The following CACNA1B variants were observed in gnomAD, a reference collection of about 807,000 sequenced individuals.
The protein encoded by CACNA1B is calcium voltage-gated channel subunit alpha1 B, also known as voltage-dependent N-type calcium channel subunit alpha-1B.
A neutral mutation model predicts 247.2 loss-of-function variants in CACNA1B; 70 were observed. The ratio of observed to expected loss-of-function variants is 0.28; its 90% CI spans 0.23 to 0.35. CACNA1B has a LOEUF of 0.35. CACNA1B is among the 10% of genes least tolerant of loss of function. CACNA1B has a pLI of 1.00. For missense variants in CACNA1B, 2,367 were observed against 3,197.4 expected, an observed-to-expected ratio of 0.74 and a Z score of 6.26; for synonymous variants, 1,231 against 1,294.4, an observed-to-expected ratio of 0.95 and a Z score of 1.05.
intron 37 of CACNA1B, among the ~76,000 whole-genome samples, chr9:138,099,364 A>T (rs959756041): frequency 6.6e-6 from 1 of 152,042 alleles, no homozygotes; most frequent in Non-Finnish European, 1.5e-5. Context: ...TATGTGTGCA[A>T]GTGAACTGAA....
rs933589477 is a variant in CACNA1B, at chr9:137,899,245, C to T, written c.531-13935C>T. On this transcript the variant is annotated intron_variant, in intron 3 of 46. Transcript: ENST00000371372. The surrounding 1 kb of genome is among the most constrained non-coding windows in gnomAD (Gnocchi z 5.0). ...GGGATTACAGGCGCGCTCCACCATG[C>T]CAGGCTAATTTTTGTATTTTTTTTT... Among the ~76,000 whole-genome samples the T allele has an allele frequency of 4.6e-5, 7 of 151,860 alleles. No homozygotes were observed. Among genetic ancestry groups the T allele is most frequent in the African/African-American group, 1.5e-4 (6 of 41,310 alleles).
Position 137,971,245 on chromosome 9 carries a change from G to C in CACNA1B, c.1334-138G>C. On this transcript the variant is annotated intron_variant, in intron 10 of 46. Coordinates refer to ENST00000371372, the MANE Select transcript of CACNA1B (RefSeq NM_000718.4). The surrounding 1 kb of genome is among the most constrained non-coding windows in gnomAD (Gnocchi z 4.4). ...CCTCAGCTGTGAAGTGGAGGTCACAGGGGTCACTGGCACAATTGTCTGTGA... is the reference window on the plus strand; with the variant it reads ...CCTCAGCTGTGAAGTGGAGGTCACACGGGTCACTGGCACAATTGTCTGTGA... The C allele has an allele frequency of 1.1e-5, 7 of 651,240 alleles. No homozygotes were observed. The South Asian group carries it at 1.3e-4, about 12-fold the overall frequency. The allele number at this position is 651,240 out of a possible 1,614,324, so 40.3% of individuals were successfully genotyped here.
At chr9:137,944,457 C>T (rs998479018) in intron 6 of CACNA1B, among the ~76,000 whole-genome samples, 7 of 152,070 alleles carry the variant, frequency 4.6e-5, no homozygotes, top group Non-Finnish European at 1.0e-4. Context: ...TGTTATAGTC[C>T]CAATTAGGAT....
rs1287822294 is a variant in CACNA1B at position 138,020,928 on chromosome 9, G to C, written c.2268-2083G>C. Among the ~76,000 whole-genome samples the C allele has an allele frequency of 6.6e-6, 1 of 152,184 alleles. No homozygotes were observed. The highest frequency in any genetic ancestry group is 1.9e-4 in the East Asian group (1 of 5,196). ...CATGGTCCTCACTGCCTGTCTTTTT[G>C]GAACTGCAATGCTGGTCCCCAAGAT... On this transcript the variant is annotated intron_variant, in intron 18 of 46. Coordinates refer to ENST00000371372, the MANE Select transcript of CACNA1B (RefSeq NM_000718.4). The surrounding 1 kb of genome is among the most constrained non-coding windows in gnomAD (Gnocchi z 4.1).
chr9:137,908,533 A>G (rs1957322461), intron 3 of CACNA1B, among the ~76,000 whole-genome samples: 1 of 152,050 alleles, frequency 6.6e-6, no homozygotes, highest in South Asian at 2.1e-4. Flanking sequence ...AAACAAACAA[A>G]CAAACAAAAA....
At chr9:138,040,224 C>A (rs1227395950) in intron 20 of CACNA1B, among the ~76,000 whole-genome samples, 1 of 152,120 alleles carries the variant, frequency 6.6e-6, no homozygotes, top group African/African-American at 2.4e-5. Flanking sequence ...GGTTGTGAGC[C>A]ACTGCGCCTG....
At chr9:137,967,693 T>C (rs945269285) in intron 10 of CACNA1B, among the ~76,000 whole-genome samples, 13 of 150,186 alleles carry the variant, frequency 8.7e-5, no homozygotes, top group Non-Finnish European at 1.5e-4. Flanking sequence ...CCACTGCAAG[T>C]GTCTCTCTCT....
intron 31 of CACNA1B, among the ~76,000 whole-genome samples, chr9:138,069,030 G>T (rs1960030443): frequency 6.6e-6 from 1 of 152,248 alleles, no homozygotes; most frequent in African/African-American, 2.4e-5. Context: ...CACCCAGCAG[G>T]TTGGGGGCCT....
In CACNA1B at chr9:138,115,710, C is replaced by T. The variant is rs371368903; in HGVS notation, c.5777+31C>T. On this transcript the variant is annotated intron_variant, in intron 42 of 46. Coordinates refer to ENST00000371372, the MANE Select transcript of CACNA1B (RefSeq NM_000718.4). ...TATCCAGATGCAGGACATAGCTGGA[C>T]AGGAGGAGGTCCAAAGACAGTAAAG... is the stretch of plus-strand genomic sequence containing the variant. 4.6e-5 allele frequency: 73 copies of T among 1,593,904 alleles called. No homozygotes were observed. In the African/African-American group the frequency reaches 7.5e-4, roughly 16 times the overall value.
intron 32 of CACNA1B, among the ~76,000 whole-genome samples, chr9:138,071,932 C>T (rs1411054999): frequency 6.6e-6 from 1 of 152,044 alleles, no homozygotes; most frequent in East Asian, 1.9e-4. Flanking sequence ...ACATAAGGGT[C>T]TCTTGACACG....
chr9:138,112,426 G>A lies in CACNA1B; in HGVS notation c.5457G>A (p.Ala1819=), dbSNP rs201753337. The change falls in exon 40 of 47, where the codon GCG becomes GCA. Residue 1819 remains alanine, a synonymous_variant. Transcript: ENST00000371372. ...PAGTKQHQCD[A]ELRKEISVVW... is the part of the protein sequence containing the mutation. ...GGACAAAGCAGCATCAGTGTGACGC[G>A]GAGTTGAGGAAGGAGATTTCCGTTG... 67 of 1,613,376 alleles carry A rather than the reference G, an allele frequency of 4.2e-5. No individual in the cohort carries two copies. The highest frequency in any genetic ancestry group is 4.0e-4 in the African/African-American group (30 of 74,900).
chr9:138,053,796 T>A, intron 25 of CACNA1B, 50 bp from the exon 26 acceptor site: 17 of 1,073,858 alleles, frequency 1.6e-5, no homozygotes, highest in East Asian at 8.0e-5. Flanking sequence ...GGCCCCACTC[T>A]CCCACCATGA....
At chr9:137,893,518 G>A (rs995977698) in intron 3 of CACNA1B, among the ~76,000 whole-genome samples, 3 of 151,742 alleles carry the variant, frequency 2.0e-5, no homozygotes, top group Non-Finnish European at 2.9e-5. Flanking sequence ...GGGCAAGGTG[G>A]CACGCGCCTG....
chr9:137,915,204 C>T (rs902779864), intron 5 of CACNA1B, among the ~76,000 whole-genome samples: 5 of 152,244 alleles, frequency 3.3e-5, no homozygotes, highest in Middle Eastern at 3.4e-3. Flanking sequence ...GCCTATGGTG[C>T]GGAGCAGCGA....
rs1388182078 is a variant in CACNA1B, at chr9:137,986,834, G to T, written c.1954G>T (p.Ala652Ser). ...AACCAACTTCGACACCTTCCCTGCC[G>T]CCATCCTCACTGTCTTCCAGGTAAG... Reference protein sequence around the residue: ...PTTNFDTFPAAILTVFQILTG... With the variant: ...PTTNFDTFPASILTVFQILTG... The change falls in exon 15 of 47, where the codon GCC becomes TCC. Residue 652 changes from alanine to serine, a missense_variant. Physicochemically the swap from Ala to Ser is moderately conservative, Grantham distance 99. Around this residue, in one of 12 missense-constraint regions of CACNA1B, gnomAD observed 76 missense variants for 191.0 expected, o/e 0.40. Coordinates refer to ENST00000371372, the MANE Select transcript of CACNA1B (RefSeq NM_000718.4). This position sits in a 1 kb window ranked among gnomAD's most constrained non-coding sequence, Gnocchi z 6.0. The T allele has an allele frequency of 1.2e-6, 2 of 1,613,608 alleles. No homozygotes were observed. The highest frequency in any genetic ancestry group is 3.3e-5 in the Admixed American group (2 of 60,020).
At chr9:138,112,037 A>T (rs1263290569) in intron 39 of CACNA1B, among the ~76,000 whole-genome samples, 1 of 152,002 alleles carries the variant, frequency 6.6e-6, no homozygotes, top group Non-Finnish European at 1.5e-5. Context: ...AATATTGTTG[A>T]ATGAATAGAT....
rs768586580 is a variant in CACNA1B, at chr9:138,058,293, C to A, written c.4308+43C>A. 4 of 1,479,128 alleles carry A rather than the reference C, an allele frequency of 2.7e-6. No individual in the cohort carries two copies. The South Asian group carries it at 4.5e-5, about 17-fold the overall frequency. The allele number at this position is 1,479,128 out of a possible 1,614,324, so 91.6% of individuals were successfully genotyped here. ...GGAGTCTTGCAGTGGACAGCGTGGG[C>A]AGCGCCATCAGGCTTCCCTCCTGCA... On this transcript the variant is annotated intron_variant, in intron 28 of 46. Transcript: ENST00000371372. The surrounding 1 kb of genome is among the most constrained non-coding windows in gnomAD (Gnocchi z 4.7).
At position 137,971,555 on chromosome 9, in the gene CACNA1B, G is replaced by C; in HGVS notation, c.1506G>C (p.Val502=). 6.2e-7 allele frequency: 1 copy of C among 1,613,708 alleles called. No homozygotes were observed. The highest frequency in any genetic ancestry group is 8.5e-7 in the Non-Finnish European group (1 of 1,179,778). Residue 502 remains valine, a synonymous_variant, in exon 11 of 47, where the codon GTG becomes GTC. Transcript: ENST00000371372. This position sits in a 1 kb window ranked among gnomAD's most constrained non-coding sequence, Gnocchi z 4.4. ...TGAACACACTGTGTGTGGCCATGGTGCATTACAACCAGCCGCGGCGGCTTA... is the reference window on the plus strand; with the variant it reads ...TGAACACACTGTGTGTGGCCATGGTCCATTACAACCAGCCGCGGCGGCTTA... ...VALNTLCVAM[V]HYNQPRRLTT...
intron 3 of CACNA1B, among the ~76,000 whole-genome samples, chr9:137,901,393 A>G (rs1957237851): frequency 2.0e-5 from 3 of 151,806 alleles, no homozygotes; most frequent in Non-Finnish European, 4.4e-5. Context: ...CCCTGTGTCC[A>G]TGTCTGCAAC....
Sources: allele counts gnomAD v4.1 joint callset (sites outside exome capture counted in the v4.1 genomes callset), GRCh38; gene constraint gnomAD v4.1.1; regional missense constraint gnomAD v4.1.1; non-coding constraint Gnocchi (gnomAD v3.1); transcripts MANE v1.5; gene names NCBI Gene and HGNC (gene_info 2026-07-23, HGNC 2026-07-21).